The following PGAP2 variants were observed in gnomAD, a reference collection of about 807,000 sequenced individuals.
The protein encoded by PGAP2 is post-GPI attachment to proteins 2.
PGAP2 carries 21 observed loss-of-function variants against 33.2 expected under a neutral mutation model. The ratio of observed to expected loss-of-function variants is 0.63; its 90% confidence interval spans 0.45 to 0.91. PGAP2 has a LOEUF of 0.91. PGAP2 is among the 40% of genes least tolerant of loss of function. The pLI, the probability that PGAP2 is intolerant of heterozygous loss-of-function variation, is 0.00. For synonymous variants in PGAP2, 161 were observed against 172.9 expected, an observed-to-expected ratio of 0.93 and a Z score of 0.54; for missense variants, 345 against 424.0, an observed-to-expected ratio of 0.81 and a Z score of 1.64.
chr11:3,801,763 G>A (rs1479899967), intron 1 of PGAP2, among the ~76,000 whole-genome samples: 2 of 151,256 alleles, frequency 1.3e-5, no homozygotes, highest in Admixed American at 1.3e-4. Context: ...TGGCCAACAC[G>A]GCGAAACCTC....
chr11:3,822,904 T>G (rs542003699), intron 3 of PGAP2: 4 of 1,487,658 alleles, frequency 2.7e-6, no homozygotes, highest in African/African-American at 2.8e-5. Context: ...TCCTTTTTCC[T>G]TAAGGACTGA....
intron 3 of PGAP2, among the ~76,000 whole-genome samples, chr11:3,823,287 C>T (rs974049816): frequency 6.6e-6 from 1 of 151,924 alleles, no homozygotes; most frequent in Admixed American, 6.6e-5. Flanking sequence ...CCACCCACCT[C>T]GGCCTCCCAA....
intron 1 of PGAP2, among the ~76,000 whole-genome samples, chr11:3,802,076 C>CTTTTCCTTT (rs2083539383): frequency 2.2e-5 from 3 of 137,158 alleles, no homozygotes; most frequent in African/African-American, 8.1e-5. Context: ...TTTCCTTTTC[C>CTTTTCCTTT]TTTTTTTTTT....
intron 1 of PGAP2, among the ~76,000 whole-genome samples, chr11:3,810,218 C>G (rs756583072): frequency 1.3e-5 from 2 of 152,298 alleles, no homozygotes; most frequent in South Asian, 4.1e-4. Context: ...CCTTTTCTTC[C>G]TCCTGTGAAC....
At chr11:3,798,392 C>G (rs1029970703) in intron 1 of PGAP2, among the ~76,000 whole-genome samples, 1 of 152,142 alleles carries the variant, frequency 6.6e-6, no homozygotes, top group African/African-American at 2.4e-5. Context: ...TGCATTGGCG[C>G]AATCTCGGCT....
chr11:3,825,558 C>A lies in PGAP2; in HGVS notation c.*100C>A. 1.6e-6 allele frequency: 2 copies of A among 1,285,114 alleles called. No homozygotes were observed. The highest frequency in any genetic ancestry group is 2.2e-6 in the Non-Finnish European group (2 of 927,084). The allele number at this position is 1,285,114 out of a possible 1,614,324, so 79.6% of individuals were successfully genotyped here. A position where few individuals can be genotyped will look rare whatever the true frequency, so the allele number is the denominator to read the frequency against. ...CACCCCACATCCTCTCTTGGCCTTA[C>A]TGAAGATGGGGGAAGGGTAAGAAGG... On this transcript the variant is annotated 3_prime_UTR_variant, in exon 7 of 7. Coordinates refer to ENST00000278243, the MANE Select transcript of PGAP2 (RefSeq NM_014489.4).
intron 3 of PGAP2, chr11:3,817,745 T>A: frequency 1.5e-6 from 1 of 689,082 alleles, no homozygotes; most frequent in South Asian, 1.5e-5. Context: ...TGGAAGATGA[T>A]GATAGAAATG....
upstream of PGAP2, among the ~76,000 whole-genome samples, chr11:3,804,816 T>A (rs1356889523): frequency 6.6e-6 from 1 of 151,884 alleles, no homozygotes; most frequent in Non-Finnish European, 1.5e-5. Context: ...ATTCTCCTGC[T>A]TTAGCCTCCC....
intron 3 of PGAP2, among the ~76,000 whole-genome samples, chr11:3,822,180 C>A (rs561638972): frequency 6.6e-6 from 1 of 151,838 alleles, no homozygotes; most frequent in African/African-American, 2.4e-5. Flanking sequence ...CTGGCTAACA[C>A]GGTGAAACCC....
intron 2 of PGAP2, among the ~76,000 whole-genome samples, chr11:3,814,796 CTTTCTTTCTTTCTTTCTCTT>C (rs1476547616): frequency 7.9e-4 from 89 of 112,718 alleles, no homozygotes; most frequent in Non-Finnish European, 9.8e-4. Flanking sequence ...TTCTTTCTTT[CTTTCTTTCTTTCTTTCTCTT>C]TCTTTCTTTT....
intron 1 of PGAP2, among the ~76,000 whole-genome samples, chr11:3,798,660 A>G (rs1489054803): frequency 1.4e-4 from 16 of 113,782 alleles, no homozygotes; most frequent in African/African-American, 1.0e-4. Flanking sequence ...TTTGAGATGG[A>G]GTCTTGCTCT....
chr11:3,801,384 T>G (rs893978024), intron 1 of PGAP2, among the ~76,000 whole-genome samples: 18 of 152,298 alleles, frequency 1.2e-4, no homozygotes, highest in African/African-American at 4.3e-4. Flanking sequence ...GGCTCAAGCC[T>G]GTAATCCCAG....
At chr11:3,824,955 TGA>T in intron 5 of PGAP2, 63 bp from the exon 6 acceptor site, 1 of 1,607,158 alleles carries the variant, frequency 6.2e-7, no homozygotes, top group Non-Finnish European at 8.5e-7. Flanking sequence ...GAGTTAGGGC[TGA>T]GAGGGGAGCC....
At chr11:3,805,663 G>A (rs147670691), upstream of PGAP2, among the ~76,000 whole-genome samples, 1,379 of 150,124 alleles carry the variant, frequency 9.2e-3, 14 homozygotes, top group African/African-American at 0.03. Context: ...GAGCCTAGGA[G>A]TTCAAGACCA....
chr11:3,806,249 G>A (rs2084321314), upstream of PGAP2, among the ~76,000 whole-genome samples: 1 of 151,808 alleles, frequency 6.6e-6, no homozygotes, highest in Non-Finnish European at 1.5e-5. Flanking sequence ...ACCCCTGGTT[G>A]GAGCTAGACA....
chr11:3,805,259 CTTT>C (rs1171517604), upstream of PGAP2, among the ~76,000 whole-genome samples: 5 of 123,176 alleles, frequency 4.1e-5, no homozygotes, highest in African/African-American at 3.0e-5. Context: ...TGTGGATATT[CTTT>C]TTTTTTTTTT....
intron 1 of PGAP2, among the ~76,000 whole-genome samples, chr11:3,798,806 G>A (rs2083002554): frequency 6.7e-6 from 1 of 150,112 alleles, no homozygotes; most frequent in South Asian, 2.1e-4. Context: ...GCCGCGCCCA[G>A]CTGATTTTGT....
upstream of PGAP2, chr11:3,808,203 T>A: frequency 6.6e-7 from 1 of 1,504,896 alleles, no homozygotes; most frequent in Non-Finnish European, 9.0e-7. Flanking sequence ...GGCTGGATAG[T>A]TCGGTTAGAA....
chr11:3,809,720 G>GT lies in PGAP2; in HGVS notation c.-11+1077dup, dbSNP rs1056144251. Among the ~76,000 whole-genome samples the GT allele has an allele frequency of 4.6e-5, 7 of 152,086 alleles. No individual in the cohort carries two copies. In the East Asian group the frequency reaches 5.8e-4, roughly 13 times the overall value. ...CATTTAGGGATGATCCAGGGAATGT[G>GT]TTTTTTTTCTGGGAGGGTCACCAGA... On this transcript the variant is annotated intron_variant, in intron 1 of 6. Coordinates refer to ENST00000278243, the MANE Select transcript of PGAP2 (RefSeq NM_014489.4).
Sources: gnomAD v4.1 joint callset for allele counts (sites outside exome capture counted in the v4.1 genomes callset) on GRCh38, gnomAD v4.1.1 for gene constraint, MANE v1.5 for transcripts, NCBI Gene and HGNC (gene_info 2026-07-23, HGNC 2026-07-21) for gene names.